Variants in RALYL observed in about 807,000 individuals in gnomAD.
RALYL encodes the protein RNA-binding Raly-like protein.
In RALYL, 29 loss-of-function variants were observed where a neutral mutation model predicts 35.1. The observed-to-expected ratio is 0.83, with a 90% confidence interval of 0.61 to 1.13. The LOEUF (loss-of-function observed/expected upper bound fraction) is 1.13, where lower values mean the gene tolerates loss of function less well. RALYL is among the 50% of genes most tolerant of loss of function. The probability of loss-of-function intolerance (pLI) is 0.00; values close to 1 mark genes in which losing one functional copy is unlikely to be tolerated. For missense variants in RALYL, 359 were observed against 360.4 expected, an observed-to-expected ratio of 1.00 and a Z score of 0.03; for synonymous variants, 120 against 127.6, an observed-to-expected ratio of 0.94 and a Z score of 0.40.
intron 1 of RALYL, among the ~76,000 whole-genome samples, chr8:84,469,788 G>A (rs1338701443): frequency 6.6e-6 from 1 of 152,018 alleles, no homozygotes; most frequent in African/African-American, 2.4e-5. Flanking sequence ...AGCAATCAGC[G>A]AGACTCCGTG....
intron 4 of RALYL, among the ~76,000 whole-genome samples, chr8:84,845,621 CTGTT>C (rs1435240790): frequency 6.6e-6 from 1 of 150,494 alleles, no homozygotes; most frequent in African/African-American, 2.4e-5. Flanking sequence ...TGCAGGCTGT[CTGTT>C]TACTTCCTTC....
intron 1 of RALYL, among the ~76,000 whole-genome samples, chr8:84,266,681 A>C (rs1422029881): frequency 2.0e-5 from 3 of 152,126 alleles, no homozygotes; most frequent in Non-Finnish European, 2.9e-5. Flanking sequence ...CAGTCCTTTA[A>C]ATTGATGTGA....
intron 2 of RALYL, among the ~76,000 whole-genome samples, chr8:84,749,890 T>C (rs996760896): frequency 3.9e-5 from 6 of 152,190 alleles, no homozygotes; most frequent in Non-Finnish European, 8.8e-5. Context: ...TCTGGGCTGC[T>C]CATGGCCCCA....
intron 3 of RALYL, among the ~76,000 whole-genome samples, chr8:84,799,752 C>T (rs1015316238): frequency 2.0e-4 from 30 of 152,130 alleles, no homozygotes; most frequent in African/African-American, 6.0e-4. Flanking sequence ...GTCAGGAGAT[C>T]GAGACCATCC....
intron 7 of RALYL, among the ~76,000 whole-genome samples, chr8:84,879,374 A>C (rs192479867): frequency 1.3e-5 from 2 of 152,276 alleles, no homozygotes; most frequent in Non-Finnish European, 2.9e-5. Context: ...AGGAAAGAAA[A>C]AGTATTCATC....
In RALYL at chr8:84,921,698, G is replaced by C. The variant is rs761884112; in HGVS notation, c.*787G>C. ...ATGTCATTTCACCTCCTGTTCCTAG[G>C]AACTCTCCATTCCCAAGCATTGCCA... On this transcript the variant is annotated 3_prime_UTR_variant, in exon 9 of 9. Coordinates refer to ENST00000521268, the MANE Select transcript of RALYL (RefSeq NM_173848.7). 5.9e-5 allele frequency: 9 copies of C among 152,126 alleles called. No individual in the cohort carries two copies. Among genetic ancestry groups the C allele is most frequent in the Non-Finnish European group, 1.2e-4 (8 of 67,994 alleles). 9.4% of individuals were successfully genotyped at this position (152,126 alleles called of 1,614,324 possible). A position where few individuals can be genotyped will look rare whatever the true frequency, so the allele number is the denominator to read the frequency against.
chr8:84,424,924 T>C (rs1483279230), intron 1 of RALYL, among the ~76,000 whole-genome samples: 22 of 151,734 alleles, frequency 1.4e-4, no homozygotes, highest in South Asian at 8.3e-4. Flanking sequence ...TCTCCAGCTG[T>C]GTGCTGGGAG....
At chr8:84,871,494 A>C (rs1840185873) in intron 6 of RALYL, among the ~76,000 whole-genome samples, 1 of 152,222 alleles carries the variant, frequency 6.6e-6, no homozygotes, top group Non-Finnish European at 1.5e-5. Context: ...GATACGTTTA[A>C]GTAAAACTAC....
Position 84,750,794 on chromosome 8 carries a change from G to T in RALYL, c.257-23785G>T, listed in dbSNP as rs552054299. 2.0e-4 allele frequency among the ~76,000 whole-genome samples: 31 copies of T among 152,196 alleles called. No homozygotes were observed. In the South Asian group the frequency reaches 6.4e-3, roughly 32 times the overall value. ...GTACCACCTCAAGACTGTGCATAGG[G>T]TCCCCACTAGCAAGAAGGCCCCCAC... On this transcript the variant is annotated intron_variant, in intron 2 of 8. Transcript: ENST00000521268.
chr8:84,659,851 C>T (rs981646613), intron 2 of RALYL, among the ~76,000 whole-genome samples: 4 of 151,638 alleles, frequency 2.6e-5, no homozygotes, highest in African/African-American at 7.3e-5. Context: ...TATAGATAAC[C>T]GATATTTTGA....
At chr8:84,392,795 A>T (rs906385302) in intron 1 of RALYL, among the ~76,000 whole-genome samples, 9 of 152,034 alleles carry the variant, frequency 5.9e-5, no homozygotes, top group Non-Finnish European at 1.0e-4. Flanking sequence ...GAGGAAAAAA[A>T]ATCTTATTGA....
chr8:84,678,258 T>TTTTTTG (rs546310954), intron 2 of RALYL, among the ~76,000 whole-genome samples: 7 of 152,038 alleles, frequency 4.6e-5, no homozygotes, highest in African/African-American at 7.2e-5. Flanking sequence ...TTTTTGTTGT[T>TTTTTTG]TTTTTGTTTT....
chr8:84,518,328 T>C (rs1278547121), intron 1 of RALYL, among the ~76,000 whole-genome samples: 2 of 152,192 alleles, frequency 1.3e-5, no homozygotes, highest in East Asian at 3.9e-4. Context: ...AATTCTGCTT[T>C]CTATAGCTAA....
chr8:84,829,739 T>C (rs535384539), intron 4 of RALYL, among the ~76,000 whole-genome samples: 1 of 152,200 alleles, frequency 6.6e-6, no homozygotes, highest in Admixed American at 6.5e-5. Context: ...GAACACTGAG[T>C]TAGCAAATAC....
chr8:84,294,975 G>A (rs865958272), intron 1 of RALYL, among the ~76,000 whole-genome samples: 2 of 152,034 alleles, frequency 1.3e-5, no homozygotes, highest in African/African-American at 2.4e-5. Context: ...TAATTCTCCT[G>A]CATTGATTGC....
chr8:84,264,449 GTT>G (rs373596991), intron 1 of RALYL, among the ~76,000 whole-genome samples: 178 of 121,264 alleles, frequency 1.5e-3, no homozygotes, highest in African/African-American at 4.9e-3. Flanking sequence ...CTTTTTAATG[GTT>G]TTTTTTTTTT....
chr8:84,322,639 C>T (rs1845077315), intron 1 of RALYL, among the ~76,000 whole-genome samples: 1 of 152,178 alleles, frequency 6.6e-6, no homozygotes, highest in Non-Finnish European at 1.5e-5. Flanking sequence ...AATATGGAGT[C>T]AAGGTACCTT....
chr8:84,304,564 C>T (rs913757408), intron 1 of RALYL, among the ~76,000 whole-genome samples: 2 of 152,020 alleles, frequency 1.3e-5, no homozygotes, highest in African/African-American at 4.8e-5. Flanking sequence ...TACATCATAT[C>T]CTGTGTTTTA....
At chr8:84,322,364 C>T (rs1289896284) in intron 1 of RALYL, among the ~76,000 whole-genome samples, 1 of 151,974 alleles carries the variant, frequency 6.6e-6, no homozygotes, top group Non-Finnish European at 1.5e-5. Flanking sequence ...GTAGGAGGAA[C>T]AAAGAATAAA....
Sources: gnomAD v4.1 joint callset for allele counts (sites outside exome capture counted in the v4.1 genomes callset) on GRCh38, gnomAD v4.1.1 for gene constraint, MANE v1.5 for transcripts, NCBI Gene and HGNC (gene_info 2026-07-23, HGNC 2026-07-21) for gene names.